The following GNL2 variants were observed in gnomAD, a reference collection of about 807,000 sequenced individuals.
The protein encoded by GNL2 is nucleolar GTP-binding protein 2.
GNL2 carries 51 observed loss-of-function variants against 92.3 expected under a neutral mutation model. That is an observed-to-expected ratio of 0.55 (90% CI 0.44 to 0.70). The LOEUF (loss-of-function observed/expected upper bound fraction) is 0.70, where lower values mean the gene tolerates loss of function less well. Ranked by LOEUF, GNL2 falls within the 30% of genes least tolerant of loss-of-function variation. GNL2 has a pLI of 0.00. For synonymous variants in GNL2, 283 were observed against 300.6 expected (o/e 0.94, Z 0.61); for missense variants, 844 against 895.6 (o/e 0.94, Z 0.74).
At position 37,567,758 on chromosome 1, in the gene GNL2, G is replaced by A. The variant is rs752423596; in HGVS notation, c.1958C>T (p.Ser653Phe). The A allele has an allele frequency of 1.2e-6, 2 of 1,611,850 alleles. No homozygotes were observed. Among genetic ancestry groups the A allele is most frequent in the South Asian group, 1.1e-5 (1 of 91,034 alleles). ...LEEDVDDRAP[S>F]KKGKKRKAQR... ...TGCCTTCCGCTTCTTTCCCTTTTTGGAAGGTGCTGGATACAAACAATACAC... is the reference window on the plus strand; with the variant it reads ...TGCCTTCCGCTTCTTTCCCTTTTTGAAAGGTGCTGGATACAAACAATACAC... The change falls in exon 15 of 16, where the codon TCC becomes TTC. Residue 653 changes from serine to phenylalanine, a missense_variant. By Grantham distance (155) the Ser-to-Phe change is radical (BLOSUM62 -2). Coordinates refer to ENST00000373062, the MANE Select transcript of GNL2 (RefSeq NM_013285.3).
At position 37,569,271 on chromosome 1, in the gene GNL2, G is replaced by A. The variant is rs779363060; in HGVS notation, c.1448C>T (p.Pro483Leu). The A allele has an allele frequency of 9.9e-6, 16 of 1,612,164 alleles. No individual in the cohort carries two copies. Among genetic ancestry groups the A allele is most frequent in the Non-Finnish European group, 1.4e-5 (16 of 1,179,804 alleles). Reference protein sequence around the residue: ...LLPSSSLEVVPEAAQNNPGEE... With the variant: ...LLPSSSLEVVLEAAQNNPGEE... ...CCCTGGATTGTTCTGGGCTGCTTCT[G>A]GGACAACTTCCAAAGATGAGGAGGG... The change falls in exon 13 of 16, where the codon CCA (proline) becomes CTA (leucine). Residue 483 changes from proline (P) to leucine (L), a missense_variant. Pro to Leu is a moderately conservative substitution (Grantham distance 98, BLOSUM62 -3). Transcript: ENST00000373062.
At chr1:37,576,401 AG>A in intron 9 of GNL2, 26 bp downstream of exon 9, 3 of 1,603,570 alleles carry the variant, frequency 1.9e-6, no homozygotes, top group South Asian at 1.1e-5. Flanking sequence ...AATATGCAAA[AG>A]TAAGGTCACC....
At chr1:37,574,039 C>T (rs1042305106) in intron 12 of GNL2, among the ~76,000 whole-genome samples, 3 of 152,048 alleles carry the variant, frequency 2.0e-5, no homozygotes, top group Non-Finnish European at 4.4e-5. Context: ...ACTACAGGAG[C>T]GTGCCATCAT....
At position 37,583,904 on chromosome 1, in the gene GNL2, T is replaced by C. The variant is rs2148138516; in HGVS notation, c.599A>G (p.Lys200Arg). 2 of 1,584,694 alleles carry C rather than the reference T, an allele frequency of 1.3e-6. No homozygotes were observed. Among genetic ancestry groups the C allele is most frequent in the East Asian group, 4.5e-5 (2 of 44,704 alleles). ...RNEAQEEIYK[K>R]GQSKRIWGEL... Reference sequence around the variant, plus strand: ...ACCCCATATTCTTTTGGACTGTCCCTTTTTATAGATCTCTTCTTGAGCTTC... The same window carrying C: ...ACCCCATATTCTTTTGGACTGTCCCCTTTTATAGATCTCTTCTTGAGCTTC... The change falls in exon 6 of 16, where the codon AAG (lysine) becomes AGG (arginine). Residue 200 changes from lysine to arginine, a missense_variant. Transcript: ENST00000373062.
chr1:37,581,680 T>TC, intron 8 of GNL2: 2 of 363,478 alleles, frequency 5.5e-6, no homozygotes, highest in South Asian at 2.1e-5. Context: ...TTCTTCTTCT[T>TC]TTTTTGAGAA....
chr1:37,571,880 C>T (rs185338185), intron 12 of GNL2, among the ~76,000 whole-genome samples: 1 of 152,222 alleles, frequency 6.6e-6, no homozygotes, highest in East Asian at 1.9e-4. Context: ...CCAGAATGAC[C>T]CTAGAATCCA....
chr1:37,587,059 G>T lies in GNL2; in HGVS notation c.569+252C>A, dbSNP rs1049925320. ...AGGAGTGTGGATTGCCTGAGCTCACGAGTTCAAGACTAGCCTGGGCAACAC... is the reference window on the plus strand; with the variant it reads ...AGGAGTGTGGATTGCCTGAGCTCACTAGTTCAAGACTAGCCTGGGCAACAC... On this transcript the variant is annotated intron_variant, in intron 5 of 15. Transcript: ENST00000373062. Among the ~76,000 whole-genome samples the T allele has an allele frequency of 2.0e-5, 3 of 152,140 alleles. No individual in the cohort carries two copies. The East Asian group carries it at 5.8e-4, about 29-fold the overall frequency.
At position 37,566,931 on chromosome 1, in the gene GNL2, C is replaced by T; in HGVS notation, c.2120G>A (p.Arg707Lys). Residue 707 changes from arginine (R) to lysine (K), a missense_variant, in exon 16 of 16, where the codon AGG becomes AAG. Coordinates refer to ENST00000373062, the MANE Select transcript of GNL2 (RefSeq NM_013285.3). Reference sequence around the variant, plus strand: ...ATTGGTCTTCTTTTTGTTCCTGTTCCTATTTTTCACGTTGTGTGTTTCATA... The same window carrying T: ...ATTGGTCTTCTTTTTGTTCCTGTTCTTATTTTTCACGTTGTGTGTTTCATA... Reference protein sequence around the residue: ...RYYETHNVKNRNRNKKKTNDS... With the variant: ...RYYETHNVKNKNRNKKKTNDS... 1 of 1,614,070 alleles carries T rather than the reference C, an allele frequency of 6.2e-7. No homozygotes were observed. Among genetic ancestry groups the T allele is most frequent in the African/African-American group, 1.3e-5 (1 of 75,012 alleles).
chr1:37,592,752 A>G lies in GNL2; in HGVS notation c.204T>C (p.Ser68=). The G allele has an allele frequency of 6.2e-7, 1 of 1,609,706 alleles. No individual in the cohort carries two copies. Residue 68 remains serine (S), a synonymous_variant, in exon 3 of 16, where the codon TCT becomes TCC. Coordinates refer to ENST00000373062, the MANE Select transcript of GNL2 (RefSeq NM_013285.3). ...TTGGCTCTACTCTTGCCACTGTGCC[A>G]GAAGCCACCGTTGATTGATATTGCA... ...KPLQYQSTVA[S]GTVARVEPNI... is the part of the protein sequence containing the mutation.
chr1:37,593,305 CG>C (rs1159521493), intron 2 of GNL2, among the ~76,000 whole-genome samples: 2 of 152,162 alleles, frequency 1.3e-5, no homozygotes, highest in Non-Finnish European at 2.9e-5. Context: ...GACCAGTTAG[CG>C]GAATGCCACA....
In GNL2 at chr1:37,567,818, A is replaced by G. The variant is rs1643530735; in HGVS notation, c.1952-54T>C. 3.7e-6 allele frequency: 5 copies of G among 1,368,150 alleles called. No individual in the cohort carries two copies. In the South Asian group the frequency reaches 5.8e-5, roughly 16 times the overall value. 84.8% of individuals were successfully genotyped at this position (1,368,150 alleles called of 1,614,324 possible). ...TTTTCTATTGAAAATTTGTCTATAAACCCAACGGTGGGAACAAGCTTGATG... is the reference window on the plus strand; with the variant it reads ...TTTTCTATTGAAAATTTGTCTATAAGCCCAACGGTGGGAACAAGCTTGATG... On this transcript the variant is annotated intron_variant, in intron 14 of 15. Coordinates refer to ENST00000373062, the MANE Select transcript of GNL2 (RefSeq NM_013285.3).
chr1:37,581,967 C>T (rs929790639), intron 8 of GNL2, among the ~76,000 whole-genome samples: 1 of 146,396 alleles, frequency 6.8e-6, no homozygotes, highest in Non-Finnish European at 1.5e-5. Flanking sequence ...CCGGCCACAT[C>T]TTTTTTTTTT....
intron 7 of GNL2, 100 bp from the exon 8 acceptor site, chr1:37,582,436 T>C (rs1643785643): frequency 1.5e-6 from 1 of 688,906 alleles, no homozygotes; most frequent in East Asian, 2.9e-5. Context: ...TCAAATATAC[T>C]GTTGTCTAAG....
chr1:37,595,275 G>A (rs1210141564), intron 1 of GNL2, among the ~76,000 whole-genome samples: 1 of 152,142 alleles, frequency 6.6e-6, no homozygotes, highest in Non-Finnish European at 1.5e-5. Flanking sequence ...CAGCCTTACT[G>A]CAATGATCAT....
chr1:37,580,655 C>G (rs1045656997), intron 8 of GNL2, among the ~76,000 whole-genome samples: 2 of 152,194 alleles, frequency 1.3e-5, no homozygotes, highest in African/African-American at 4.8e-5. Context: ...CTGCAGCAGC[C>G]TGGAGAGCGG....
intron 1 of GNL2, among the ~76,000 whole-genome samples, chr1:37,594,635 C>T (rs1643910372): frequency 6.6e-6 from 1 of 152,148 alleles, no homozygotes; most frequent in Non-Finnish European, 1.5e-5. Flanking sequence ...TCCACCTCCC[C>T]GGTTCATGCA....
chr1:37,572,573 T>C (rs903666131), intron 12 of GNL2, among the ~76,000 whole-genome samples: 2 of 152,140 alleles, frequency 1.3e-5, no homozygotes, highest in Admixed American at 6.6e-5. Context: ...TTTGGAAAGC[T>C]CTGGGTTGCT....
chr1:37,591,962 C>T (rs1406595258), intron 3 of GNL2, among the ~76,000 whole-genome samples: 1 of 152,186 alleles, frequency 6.6e-6, no homozygotes, highest in East Asian at 1.9e-4. Context: ...GCAGTCTAAT[C>T]GAGTCACAGT....
At chr1:37,593,366 G>C (rs1192699397) in intron 2 of GNL2, 1 of 176,528 alleles carries the variant, frequency 5.7e-6, no homozygotes, top group African/African-American at 2.4e-5. Flanking sequence ...TCGGAGTTTT[G>C]ATGACTGTCC....
Sources: gnomAD v4.1 joint callset for allele counts (sites outside exome capture counted in the v4.1 genomes callset) on GRCh38, gnomAD v4.1.1 for gene constraint, MANE v1.5 for transcripts, NCBI Gene and HGNC (gene_info 2026-07-23, HGNC 2026-07-21) for gene names.